LDHC: variants seen among roughly 807,000 people sequenced by gnomAD.
LDHC encodes the protein L-lactate dehydrogenase C chain.
Under a neutral mutation model 30.2 loss-of-function variants are expected in LDHC, and 20 were observed. That is an observed-to-expected ratio of 0.66 (90% CI 0.47 to 0.96). The LOEUF (loss-of-function observed/expected upper bound fraction) is 0.96. Among genes scored for constraint, LDHC ranks in the 40% least tolerant of loss-of-function variants. The pLI is 0.00. For synonymous variants in LDHC, 139 were observed against 132.7 expected (o/e 1.05, Z -0.32); for missense variants, 362 against 394.9 (o/e 0.92, Z 0.71).
intron 4 of LDHC, among the ~76,000 whole-genome samples, chr11:18,432,770 G>A (rs61081934): frequency 0.15 from 22,727 of 152,176 alleles, 1,878 homozygotes; most frequent in African/African-American, 0.21. Context: ...CGTCTGATAT[G>A]AGAGTATCTA....
At chr11:18,448,129 G>A (rs1316311970) in intron 7 of LDHC, among the ~76,000 whole-genome samples, 2 of 151,828 alleles carry the variant, frequency 1.3e-5, no homozygotes, top group Admixed American at 6.6e-5. Flanking sequence ...CTTTTCTGAG[G>A]CTGCAGAACC....
At chr11:18,446,097 T>G (rs1848548697) in intron 6 of LDHC, 113 bp from the exon 7 acceptor site, 2 of 853,932 alleles carry the variant, frequency 2.3e-6, no homozygotes, top group Non-Finnish European at 3.7e-6. Flanking sequence ...GGGAAAATTC[T>G]AATACAATTG....
intron 4 of LDHC, among the ~76,000 whole-genome samples, chr11:18,431,919 C>T (rs1488066722): frequency 6.6e-5 from 10 of 152,110 alleles, no homozygotes; most frequent in Non-Finnish European, 1.3e-4. Flanking sequence ...AAAGAACCAG[C>T]TTTTTGTTTC....
chr11:18,424,828 C>G (rs34305958), intron 3 of LDHC, among the ~76,000 whole-genome samples: 1 of 151,856 alleles, frequency 6.6e-6, no homozygotes, highest in Non-Finnish European at 1.5e-5. Context: ...GCCACCATGG[C>G]GAAACCCTGT....
At chr11:18,430,317 AT>A (rs1445191534) in intron 4 of LDHC, among the ~76,000 whole-genome samples, 13 of 151,948 alleles carry the variant, frequency 8.6e-5, no homozygotes, top group African/African-American at 2.7e-4. Flanking sequence ...TTGTTTATAC[AT>A]TTTTTTGTTT....
rs536160876 is a variant in LDHC at position 18,437,603 on chromosome 11, T to C, written c.593-925T>C. On this transcript the variant is annotated intron_variant, in intron 5 of 7. Transcript: ENST00000541669. The stretch of plus-strand genomic sequence containing the variant: ...CCGTCTCTACTAAAAATACAAAAAA[T>C]TAGCCAGGCGTGGTGGTGGGCACCT... 3.3e-5 allele frequency among the ~76,000 whole-genome samples: 5 copies of C among 151,834 alleles called. No individual in the cohort carries two copies. In the South Asian group the frequency reaches 1.0e-3, roughly 32 times the overall value.
rs979624672 is a variant in LDHC at position 18,440,182 on chromosome 11, T to C, written c.710+1537T>C. Among the ~76,000 whole-genome samples the C allele has an allele frequency of 6.1e-5, 9 of 146,664 alleles. No individual in the cohort carries two copies. In the East Asian group the frequency reaches 1.8e-3, roughly 29 times the overall value. On this transcript the variant is annotated intron_variant, in intron 6 of 7. Coordinates refer to ENST00000541669, the MANE Select transcript of LDHC (RefSeq NM_017448.5). ...AAAAAAAATTAGCCGGGTGTGGTGG[T>C]GTGCCCCTGTAATCCCAGCTACTCA...
intron 3 of LDHC, among the ~76,000 whole-genome samples, 157 bp downstream of exon 3, chr11:18,415,458 G>A (rs1231395972): frequency 6.6e-6 from 1 of 152,020 alleles, no homozygotes; most frequent in African/African-American, 2.4e-5. Context: ...TTTTGAGAGA[G>A]TCTCACTCTG....
At chr11:18,439,395 T>C (rs965853716) in intron 6 of LDHC, among the ~76,000 whole-genome samples, 2 of 149,760 alleles carry the variant, frequency 1.3e-5, no homozygotes, top group Non-Finnish European at 3.0e-5. Flanking sequence ...AAACCCCATC[T>C]CTTCTAAAAA....
chr11:18,430,197 T>C (rs1848240570), intron 4 of LDHC, among the ~76,000 whole-genome samples: 1 of 152,212 alleles, frequency 6.6e-6, no homozygotes, highest in African/African-American at 2.4e-5. Context: ...GAAATCATGC[T>C]GAATGTAATT....
At position 18,412,733 on chromosome 11, in the gene LDHC, G is replaced by A. The variant is rs946276190; in HGVS notation, c.16G>A (p.Glu6Lys). The change falls in exon 2 of 8, where the codon GAG (glutamate) becomes AAG (lysine). Residue 6 changes from glutamate to lysine, a missense_variant. Glu to Lys is a moderately conservative substitution (Grantham distance 56). Coordinates refer to ENST00000541669, the MANE Select transcript of LDHC (RefSeq NM_017448.5). Reference sequence around the variant, plus strand: ...GGTTCTCCAAATGTCAACTGTCAAGGAGCAGCTAATTGAGAAGCTAATTGA... The same window carrying A: ...GGTTCTCCAAATGTCAACTGTCAAGAAGCAGCTAATTGAGAAGCTAATTGA... MSTVK[E>K]QLIEKLIEDD... The A allele has an allele frequency of 6.2e-7, 1 of 1,613,884 alleles. No individual in the cohort carries two copies. The highest frequency in any genetic ancestry group is 1.3e-5 in the African/African-American group (1 of 75,050).
chr11:18,426,445 T>C (rs1848163347), intron 3 of LDHC, among the ~76,000 whole-genome samples: 1 of 146,408 alleles, frequency 6.8e-6, no homozygotes, highest in East Asian at 2.0e-4. Flanking sequence ...GAGAATCACT[T>C]GAACCAGGGA....
chr11:18,424,450 A>T (rs1047609895), intron 3 of LDHC, among the ~76,000 whole-genome samples: 2 of 152,120 alleles, frequency 1.3e-5, no homozygotes, highest in African/African-American at 4.8e-5. Context: ...ATATCCCACA[A>T]CCTGGAAATT....
chr11:18,415,260 G>T lies in LDHC; in HGVS notation c.203G>T (p.Gly68Val). ...GGAGAAATGATGGATCTTCAGCATG[G>T]CAGTCTTTTCTTTAGTACTTCAAAG... ...LKGEMMDLQHGSLFFSTSKIT... is the reference protein window; with the variant it reads ...LKGEMMDLQHVSLFFSTSKIT... Residue 68 changes from glycine (G) to valine (V), a missense_variant, in exon 3 of 8, where the codon GGC becomes GTC. By Grantham distance (109) the Gly-to-Val change is moderately radical. Transcript: ENST00000541669. 1 of 1,606,114 alleles carries T rather than the reference G, an allele frequency of 6.2e-7. No individual in the cohort carries two copies. Among genetic ancestry groups the T allele is most frequent in the Non-Finnish European group, 8.5e-7 (1 of 1,173,488 alleles).
intron 4 of LDHC, among the ~76,000 whole-genome samples, chr11:18,433,462 C>A (rs1166353533): frequency 2.0e-5 from 3 of 151,822 alleles, no homozygotes; most frequent in African/African-American, 7.3e-5. Flanking sequence ...ATTTAGAGCT[C>A]CATTTAGCAG....
intron 5 of LDHC, among the ~76,000 whole-genome samples, chr11:18,436,146 C>T (rs539173855): frequency 3.9e-4 from 60 of 152,256 alleles, no homozygotes; most frequent in South Asian, 1.0e-3. Flanking sequence ...CAGAGCCTTA[C>T]TTTGACCCTG....
At chr11:18,444,616 A>AGG (rs1848521378) in intron 6 of LDHC, among the ~76,000 whole-genome samples, 3 of 42,848 alleles carry the variant, frequency 7.0e-5, no homozygotes, top group African/African-American at 4.1e-4. Context: ...ATATATATAT[A>AGG]TATATATATA....
At chr11:18,419,263 ACT>A (rs1867076871) in intron 3 of LDHC, among the ~76,000 whole-genome samples, 1 of 152,116 alleles carries the variant, frequency 6.6e-6, no homozygotes, top group African/African-American at 2.4e-5. Flanking sequence ...CTCCAGTGAG[ACT>A]CTATTTACCA....
At position 18,450,999 on chromosome 11, in the gene LDHC, A is replaced by C; in HGVS notation, c.871A>C (p.Ile291Leu). Reference protein sequence around the residue: ...YGIKEELFLSIPCVLGRNGVS... With the variant: ...YGIKEELFLSLPCVLGRNGVS... The stretch of plus-strand genomic sequence containing the variant: ...AATAAAAGAAGAACTCTTTCTCAGT[A>C]TCCCTTGTGTCTTGGGGCGGAATGG... Residue 291 changes from isoleucine to leucine, a missense_variant, in exon 8 of 8, where the codon ATC becomes CTC. By Grantham distance (5) the Ile-to-Leu change is conservative (BLOSUM62 2). Coordinates refer to ENST00000541669, the MANE Select transcript of LDHC (RefSeq NM_017448.5). 1 of 1,595,242 alleles carries C rather than the reference A, an allele frequency of 6.3e-7. No homozygotes were observed. The highest frequency in any genetic ancestry group is 2.3e-5 in the East Asian group (1 of 44,262).
Sources: allele counts gnomAD v4.1 joint callset (sites outside exome capture counted in the v4.1 genomes callset), GRCh38; gene constraint gnomAD v4.1.1; transcripts MANE v1.5; gene names NCBI Gene and HGNC (gene_info 2026-07-23, HGNC 2026-07-21).